MCTS1: variants seen among roughly 807,000 people sequenced by gnomAD.
MCTS1 encodes malignant T-cell-amplified sequence 1.
For missense variants in MCTS1, 55 were observed against 128.6 expected (o/e 0.43, Z 2.77); for synonymous variants, 26 against 40.8 (o/e 0.64, Z 1.38).
chrX:120,608,404 T>C, intron 4 of MCTS1, 46 bp downstream of exon 4: 1 of 1,119,476 alleles, frequency 8.9e-7, no homozygotes, highest in South Asian at 2.5e-5. Context: ...TTCATTGTGC[T>C]CTTATCATTA....
rs190330708 is a variant in MCTS1 at position 120,618,881 on chromosome X, T to C, written c.*6617T>C. 2.0e-4 allele frequency among the ~76,000 whole-genome samples: 22 copies of C among 112,544 alleles called. No individual in the cohort carries two copies. In the Admixed American group the frequency reaches 2.0e-3, roughly 10 times the overall value. On this transcript the variant is annotated 3_prime_UTR_variant, in exon 6 of 6. Coordinates refer to ENST00000371317, the MANE Select transcript of MCTS1 (RefSeq NM_014060.3). Reference sequence around the variant, plus strand: ...GAGAAGGCACATCCTCATTAGCTTCTGGGTGTTGTCAAACCCAATCCTCTC... The same window carrying C: ...GAGAAGGCACATCCTCATTAGCTTCCGGGTGTTGTCAAACCCAATCCTCTC...
rs1926900607 is a variant in MCTS1, at chrX:120,617,824, T to C, written c.*5560T>C. Among the ~76,000 whole-genome samples the C allele has an allele frequency of 8.9e-6, 1 of 112,675 alleles. No individual in the cohort carries two copies. The highest frequency in any genetic ancestry group is 1.9e-5 in the Non-Finnish European group (1 of 53,328). On this transcript the variant is annotated 3_prime_UTR_variant, in exon 6 of 6. Coordinates refer to ENST00000371317, the MANE Select transcript of MCTS1 (RefSeq NM_014060.3). Reference sequence around the variant, plus strand: ...CTTCTTATTTTCACAAGCGTGTGAGTAAAAGACTGGGTTTTAAGCAATAAA... The same window carrying C: ...CTTCTTATTTTCACAAGCGTGTGAGCAAAAGACTGGGTTTTAAGCAATAAA...
intron 1 of MCTS1, chrX:120,604,696 G>T: frequency 9.6e-7 from 1 of 1,036,329 alleles, no homozygotes; most frequent in Non-Finnish European, 1.2e-6. Context: ...GGAAGCAAGC[G>T]GCCTGTCATG....
At position 120,617,060 on chromosome X, in the gene MCTS1, CTG is replaced by C. The variant is rs1237851264; in HGVS notation, c.*4798_*4799del. Among the ~76,000 whole-genome samples the C allele has an allele frequency of 8.9e-6, 1 of 112,402 alleles. No homozygotes were observed. The highest frequency in any genetic ancestry group is 1.9e-5 in the Non-Finnish European group (1 of 53,312). ...TCAGGCATCAGTCTTATTTGGAAGA[CTG>C]TAAATCAACAGGCTAACGTTCAAAA... On this transcript the variant is annotated 3_prime_UTR_variant, in exon 6 of 6. Coordinates refer to ENST00000371317, the MANE Select transcript of MCTS1 (RefSeq NM_014060.3).
chrX:120,613,020 G>A lies in MCTS1; in HGVS notation c.*756G>A, dbSNP rs1602610604. Among the ~76,000 whole-genome samples the A allele has an allele frequency of 9.3e-6, 1 of 107,081 alleles. No individual in the cohort carries two copies. The highest frequency in any genetic ancestry group is 3.4e-5 in the African/African-American group (1 of 29,220). 93.0% of individuals were successfully genotyped at this position (107,081 alleles called of 115,157 possible). A position where few individuals can be genotyped will look rare whatever the true frequency, so the allele number is the denominator to read the frequency against. On this transcript the variant is annotated 3_prime_UTR_variant, in exon 6 of 6. Coordinates refer to ENST00000371317, the MANE Select transcript of MCTS1 (RefSeq NM_014060.3). ...TGGCTCACTGTAACCTCCACCTCCC[G>A]GGTTCAAGCGATTCTTGTGCCTCAG...
chrX:120,606,784 C>CAAAAAAAAAAAA (rs763945946), intron 3 of MCTS1, among the ~76,000 whole-genome samples: 1 of 38,516 alleles, frequency 2.6e-5, no homozygotes, highest in African/African-American at 1.1e-4. Flanking sequence ...GACTTAGTCT[C>CAAAAAAAAAAAA]AAAAAAAAAA....
chrX:120,608,203 T>C (rs1926590537), intron 3 of MCTS1, 22 bp from the exon 4 acceptor site: 1 of 1,137,232 alleles, frequency 8.8e-7, no homozygotes, highest in Non-Finnish European at 1.2e-6. Flanking sequence ...ATTATTAATA[T>C]ATTGTATATC....
In MCTS1 at chrX:120,618,702, T is replaced by C. The variant is rs1461313684; in HGVS notation, c.*6438T>C. 8.9e-6 allele frequency among the ~76,000 whole-genome samples: 1 copy of C among 112,738 alleles called. No individual in the cohort carries two copies. Among genetic ancestry groups the C allele is most frequent in the Non-Finnish European group, 1.9e-5 (1 of 53,393 alleles). ...AATATTTTTCACTATCATGGCTTTA[T>C]TCAGTTTCAAAAACAGTAGGGGCTA... On this transcript the variant is annotated 3_prime_UTR_variant, in exon 6 of 6. Transcript: ENST00000371317.
rs769058369 is a variant in MCTS1 at position 120,613,049 on chromosome X, C to T, written c.*785C>T. ...TCAAGCGATTCTTGTGCCTCAGCCT[C>T]CTGAGTAGCTGGGATTACAGGCACG... is the stretch of plus-strand genomic sequence containing the variant. On this transcript the variant is annotated 3_prime_UTR_variant, in exon 6 of 6. Transcript: ENST00000371317. Among the ~76,000 whole-genome samples the T allele has an allele frequency of 7.4e-5, 8 of 108,824 alleles. No homozygotes were observed. The highest frequency in any genetic ancestry group is 2.7e-4 in the African/African-American group (8 of 29,807). 94.5% of individuals were successfully genotyped at this position (108,824 alleles called of 115,157 possible). A position where few individuals can be genotyped will look rare whatever the true frequency, so the allele number is the denominator to read the frequency against.
intron 4 of MCTS1, 95 bp downstream of exon 4, chrX:120,608,453 C>T: frequency 1.1e-6 from 1 of 949,055 alleles, no homozygotes; most frequent in Non-Finnish European, 1.4e-6. Context: ...ATTAGATGTA[C>T]TTTTTTGAAG....
In MCTS1 at chrX:120,618,282, T is replaced by G. The variant is rs1926913002; in HGVS notation, c.*6018T>G. The stretch of plus-strand genomic sequence containing the variant: ...GTTTTAACAAATTTTTAGTTTCTCA[T>G]GATGTGAAAGATTTTGTATGCACGT... On this transcript the variant is annotated 3_prime_UTR_variant, in exon 6 of 6. Transcript: ENST00000371317. 1.8e-5 allele frequency among the ~76,000 whole-genome samples: 2 copies of G among 110,985 alleles called. No individual in the cohort carries two copies. The highest frequency in any genetic ancestry group is 6.8e-5 in the African/African-American group (2 of 29,392).
intron 1 of MCTS1, 68 bp downstream of exon 1, chrX:120,604,315 G>T (rs1056544501): frequency 1.7e-6 from 2 of 1,165,818 alleles, no homozygotes; most frequent in African/African-American, 1.8e-5. Context: ...GGAAGAGGGC[G>T]AGAGCTAAGA....
At chrX:120,604,987 T>C in intron 1 of MCTS1, 2 of 767,229 alleles carry the variant, frequency 2.6e-6, no homozygotes, top group Non-Finnish European at 3.5e-6. Context: ...ATTTTCTATG[T>C]TATGCTTGGG....
rs200549208 is a variant in MCTS1 at position 120,612,685 on chromosome X, GTA to G, written c.*423_*424del. On this transcript the variant is annotated 3_prime_UTR_variant, in exon 6 of 6. Transcript: ENST00000371317. Reference sequence around the variant, plus strand: ...CGTGTGTGTGTGTGTGTGTGTGTGTGTATGTGTGTGTGTGTGTGTGTGTGTGT... The same window carrying G: ...CGTGTGTGTGTGTGTGTGTGTGTGTGTGTGTGTGTGTGTGTGTGTGTGTGT... 2.3e-3 allele frequency among the ~76,000 whole-genome samples: 77 copies of G among 33,069 alleles called. No individual in the cohort carries two copies. The highest frequency in any genetic ancestry group is 5.2e-3 in the African/African-American group (29 of 5,538). The allele number at this position is 33,069 out of a possible 115,157, so 28.7% of individuals were successfully genotyped here. A position where few individuals can be genotyped will look rare whatever the true frequency, so the allele number is the denominator to read the frequency against.
chrX:120,619,022 A>G lies in MCTS1; in HGVS notation c.*6758A>G, dbSNP rs7049384. On this transcript the variant is annotated 3_prime_UTR_variant, in exon 6 of 6. Coordinates refer to ENST00000371317, the MANE Select transcript of MCTS1 (RefSeq NM_014060.3). ...TAAAGTGTAGGGAGATAGAAACTAT[A>G]CCAATTTGGGCAATTTTGGCTCTAA... Among the ~76,000 whole-genome samples, 6,810 of 111,752 alleles carry G rather than the reference A, an allele frequency of 0.061. 470 individuals are homozygous for G. The highest frequency in any genetic ancestry group is 0.2 in the African/African-American group (6,095 of 30,614).
chrX:120,606,276 G>T, intron 3 of MCTS1, 100 bp downstream of exon 3: 1 of 412,756 alleles, frequency 2.4e-6, no homozygotes, highest in Non-Finnish European at 3.9e-6. Context: ...ATAAGACACT[G>T]CTGGGGGAGA....
Position 120,616,159 on chromosome X carries a change from G to T in MCTS1, c.*3895G>T, listed in dbSNP as rs1283966993. ...TGTCATAAATATTTTAACTTTGTTTGTCTAGGTTCCTTAATTTTGAGACTA... is the reference window on the plus strand; with the variant it reads ...TGTCATAAATATTTTAACTTTGTTTTTCTAGGTTCCTTAATTTTGAGACTA... On this transcript the variant is annotated 3_prime_UTR_variant, in exon 6 of 6. Coordinates refer to ENST00000371317, the MANE Select transcript of MCTS1 (RefSeq NM_014060.3). 8.9e-6 allele frequency among the ~76,000 whole-genome samples: 1 copy of T among 112,227 alleles called. No homozygotes were observed. The highest frequency in any genetic ancestry group is 1.9e-5 in the Non-Finnish European group (1 of 53,229).
At position 120,614,053 on chromosome X, in the gene MCTS1, T is replaced by C; in HGVS notation, c.*1789T>C. Among the ~76,000 whole-genome samples, 1 of 112,216 alleles carries C rather than the reference T, an allele frequency of 8.9e-6. No individual in the cohort carries two copies. The highest frequency in any genetic ancestry group is 1.9e-5 in the Non-Finnish European group (1 of 53,292). ...GGTGACCTGTGTTACAGTTAGAAGT[T>C]GGTGAGAAAGGTGAGGGTGGATAGC... On this transcript the variant is annotated 3_prime_UTR_variant, in exon 6 of 6. Transcript: ENST00000371317.
chrX:120,604,412 C>T, intron 1 of MCTS1, 165 bp downstream of exon 1: 1 of 666,958 alleles, frequency 1.5e-6, no homozygotes, highest in Non-Finnish European at 2.2e-6. Flanking sequence ...TTGAACACTT[C>T]TTTAAGCTTT....
Sources: gnomAD v4.1 joint callset for allele counts (sites outside exome capture counted in the v4.1 genomes callset) on GRCh38, gnomAD v4.1.1 for gene constraint, MANE v1.5 for transcripts, NCBI Gene and HGNC (gene_info 2026-07-23, HGNC 2026-07-21) for gene names.